The following POLR3GL variants were observed in gnomAD, a reference collection of about 807,000 sequenced individuals.
POLR3GL encodes DNA-directed RNA polymerase III subunit RPC7-like.
POLR3GL carries 26 observed loss-of-function variants against 32.4 expected under a neutral mutation model. The observed-to-expected ratio is 0.80, with a 90% CI of 0.59 to 1.11. The LOEUF is 1.11. Among genes scored for constraint, POLR3GL ranks in the 50% most tolerant of loss-of-function variants. The pLI is 0.00. For synonymous variants in POLR3GL, 95 were observed against 98.7 expected, an observed-to-expected ratio of 0.96 and a Z score of 0.22; for missense variants, 229 against 280.1, an observed-to-expected ratio of 0.82 and a Z score of 1.30.
chr1:145,975,219 G>C lies in POLR3GL; in HGVS notation c.127-88G>C, dbSNP rs1650498081. ...TGTCATTTGGCCCTCTGCTCAGTGG[G>C]AGTGTTAGACTAAATTGGGAGGAGG... On this transcript the variant is annotated intron_variant, in intron 2 of 7. Coordinates refer to ENST00000369314, the MANE Select transcript of POLR3GL (RefSeq NM_032305.3). 2.0e-6 allele frequency: 3 copies of C among 1,526,466 alleles called. No individual in the cohort carries two copies. In the Admixed American group the frequency reaches 5.4e-5, roughly 28 times the overall value. 94.6% of individuals were successfully genotyped at this position (1,526,466 alleles called of 1,614,324 possible).
At chr1:145,972,264 C>T (rs1553762828) in intron 1 of POLR3GL, among the ~76,000 whole-genome samples, 1 of 151,256 alleles carries the variant, frequency 6.6e-6, no homozygotes, top group African/African-American at 2.4e-5. Context: ...CCTGTAATCC[C>T]AGCTACTTGG....
At position 145,977,815 on chromosome 1, in the gene POLR3GL, C is replaced by T; in HGVS notation, c.420C>T (p.Thr140=). The T allele has an allele frequency of 6.2e-7, 1 of 1,614,000 alleles. No individual in the cohort carries two copies. Among genetic ancestry groups the T allele is most frequent in the East Asian group, 2.2e-5 (1 of 44,870 alleles). ...TILLPKRPPK[T]TEDKEETIQK... ...TGCTCCCCAAGAGGCCCCCTAAGACCACAGAAGATAAGGAGGAAACAATAC... is the reference window on the plus strand; with the variant it reads ...TGCTCCCCAAGAGGCCCCCTAAGACTACAGAAGATAAGGAGGAAACAATAC... Residue 140 remains threonine (T), a synonymous_variant, in exon 6 of 8, where the codon ACC becomes ACT. Transcript: ENST00000369314.
intron 5 of POLR3GL, 73 bp downstream of exon 5, chr1:145,977,612 G>T: frequency 6.9e-7 from 1 of 1,451,356 alleles, no homozygotes; most frequent in South Asian, 1.1e-5. Flanking sequence ...GCTGCTGCTG[G>T]TCTCACCTTC....
At chr1:145,966,272 G>A (rs776369885) in intron 1 of POLR3GL, among the ~76,000 whole-genome samples, 1 of 151,608 alleles carries the variant, frequency 6.6e-6, no homozygotes, top group Non-Finnish European at 1.5e-5. Flanking sequence ...TTTAGCCCAG[G>A]AGTTCAAGAC....
At chr1:145,973,746 A>G (rs1650427048) in intron 1 of POLR3GL, among the ~76,000 whole-genome samples, 1 of 151,788 alleles carries the variant, frequency 6.6e-6, no homozygotes, top group Admixed American at 6.6e-5. Flanking sequence ...ACATACACCA[A>G]ACAACAACAA....
chr1:145,978,287 G>A (rs1571002953), intron 7 of POLR3GL, 74 bp from the exon 8 acceptor site: 1 of 1,328,984 alleles, frequency 7.5e-7, no homozygotes, highest in East Asian at 2.3e-5. Flanking sequence ...GTGTGACTGA[G>A]AGGAAAGGGG....
At chr1:145,977,059 A>C in intron 3 of POLR3GL, 25 bp from the exon 4 acceptor site, 1 of 1,605,672 alleles carries the variant, frequency 6.2e-7, no homozygotes, top group African/African-American at 1.3e-5. Context: ...TGAAGGGATA[A>C]AACTTTGACC....
intron 5 of POLR3GL, 36 bp from the exon 6 acceptor site, chr1:145,977,742 G>T (rs1650627458): frequency 6.2e-7 from 1 of 1,602,216 alleles, no homozygotes; most frequent in African/African-American, 1.3e-5. Context: ...GGCAAAATTT[G>T]CTCTCTGAAG....
Position 145,974,935 on chromosome 1 carries a change from A to C in POLR3GL, c.70A>C (p.Ile24Leu). Reference protein sequence around the residue: ...QLTFNVEAVGIGKGDALPPPT... With the variant: ...QLTFNVEAVGLGKGDALPPPT... Reference sequence around the variant, plus strand: ...GACCTTCAACGTGGAGGCCGTGGGCATTGGGAAAGGGGATGCTTTGCCCCC... The same window carrying C: ...GACCTTCAACGTGGAGGCCGTGGGCCTTGGGAAAGGGGATGCTTTGCCCCC... Residue 24 changes from isoleucine to leucine, a missense_variant, in exon 2 of 8, where the codon ATT (isoleucine) becomes CTT (leucine). Physicochemically the swap from Ile to Leu is conservative, Grantham distance 5. Transcript: ENST00000369314. 6.6e-7 allele frequency: 1 copy of C among 1,521,162 alleles called. No individual in the cohort carries two copies. Among genetic ancestry groups the C allele is most frequent in the Non-Finnish European group, 8.8e-7 (1 of 1,141,532 alleles). 94.2% of individuals were successfully genotyped at this position (1,521,162 alleles called of 1,614,324 possible).
chr1:145,978,025 G>A lies in POLR3GL; in HGVS notation c.499G>A (p.Glu167Lys), dbSNP rs1553763784. ...KEEEVTSEED[E>K]EKEEEEEKEE... ...AGAAGAAGTAACTTCAGAGGAGGAT[G>A]AGGAGAAAGAAGAAGAAGAAGAGAA... Residue 167 changes from glutamate (E) to lysine (K), a missense_variant, in exon 7 of 8, where the codon GAG becomes AAG. Physicochemically the swap from Glu to Lys is moderately conservative, Grantham distance 56 (BLOSUM62 1). Coordinates refer to ENST00000369314, the MANE Select transcript of POLR3GL (RefSeq NM_032305.3). The A allele has an allele frequency of 1.2e-6, 2 of 1,608,482 alleles. No homozygotes were observed. Among genetic ancestry groups the A allele is most frequent in the Non-Finnish European group, 1.7e-6 (2 of 1,175,018 alleles).
chr1:145,975,816 C>T (rs1650524095), intron 3 of POLR3GL, among the ~76,000 whole-genome samples: 1 of 152,166 alleles, frequency 6.6e-6, no homozygotes, highest in Non-Finnish European at 1.5e-5. Context: ...GGATTACAGG[C>T]ATGAGCCACT....
At chr1:145,977,234 C>A in intron 4 of POLR3GL, 82 bp downstream of exon 4, 1 of 1,198,490 alleles carries the variant, frequency 8.3e-7, no homozygotes, top group Non-Finnish European at 1.2e-6. Flanking sequence ...GCCCATGACC[C>A]CACCCCATTC....
At position 145,978,517 on chromosome 1, in the gene POLR3GL, C is replaced by T. The variant is rs1650670106; in HGVS notation, c.*70C>T. 1.0e-6 allele frequency: 1 copy of T among 1,001,916 alleles called. No homozygotes were observed. Among genetic ancestry groups the T allele is most frequent in the Admixed American group, 1.9e-5 (1 of 51,338 alleles). The allele number at this position is 1,001,916 out of a possible 1,614,324, so 62.1% of individuals were successfully genotyped here. On this transcript the variant is annotated 3_prime_UTR_variant, in exon 8 of 8. Coordinates refer to ENST00000369314, the MANE Select transcript of POLR3GL (RefSeq NM_032305.3). Reference sequence around the variant, plus strand: ...TAACTGTACCTATTATTTGTTTCTTCAGACAAGCAAATCATTTGGTCAGAG... The same window carrying T: ...TAACTGTACCTATTATTTGTTTCTTTAGACAAGCAAATCATTTGGTCAGAG...
At position 145,978,536 on chromosome 1, in the gene POLR3GL, G is replaced by A. The variant is rs1650671096; in HGVS notation, c.*89G>A. 7.7e-5 allele frequency: 68 copies of A among 879,758 alleles called. No homozygotes were observed. The South Asian group carries it at 9.2e-4, about 12-fold the overall frequency. The allele number at this position is 879,758 out of a possible 1,614,324, so 54.5% of individuals were successfully genotyped here. ...TTTCTTCAGACAAGCAAATCATTTG[G>A]TCAGAGTTCATATAATCTGTCTGTT... On this transcript the variant is annotated 3_prime_UTR_variant, in exon 8 of 8. Coordinates refer to ENST00000369314, the MANE Select transcript of POLR3GL (RefSeq NM_032305.3).
chr1:145,972,492 A>G (rs1650367378), intron 1 of POLR3GL, among the ~76,000 whole-genome samples: 1 of 151,924 alleles, frequency 6.6e-6, no homozygotes. Context: ...TTTCCCCCAT[A>G]TAAATAAATT....
intron 1 of POLR3GL, among the ~76,000 whole-genome samples, chr1:145,968,221 C>G (rs1244463874): frequency 6.6e-6 from 1 of 152,114 alleles, no homozygotes; most frequent in Non-Finnish European, 1.5e-5. Flanking sequence ...TATGGGAGAC[C>G]TTAAGTATCC....
rs1650585109 is a variant in POLR3GL, at chr1:145,976,982, A to G, written c.257-102A>G. 7.3e-6 allele frequency: 7 copies of G among 963,506 alleles called. No homozygotes were observed. The Admixed American group carries it at 1.1e-4, about 15-fold the overall frequency. The allele number at this position is 963,506 out of a possible 1,614,324, so 59.7% of individuals were successfully genotyped here. ...ACCCCCTGGGCTCTGGGTTTGGGGT[A>G]AGGAAACAGATAATTCCTCAGTATT... On this transcript the variant is annotated intron_variant, in intron 3 of 7. Transcript: ENST00000369314.
intron 1 of POLR3GL, among the ~76,000 whole-genome samples, chr1:145,969,781 T>C (rs1192093498): frequency 6.6e-6 from 1 of 150,914 alleles, no homozygotes; most frequent in African/African-American, 2.4e-5. Flanking sequence ...TAGCTAAGCA[T>C]GGTGGTGGGT....
At chr1:145,968,490 A>G (rs1650132598) in intron 1 of POLR3GL, among the ~76,000 whole-genome samples, 2 of 152,042 alleles carry the variant, frequency 1.3e-5, no homozygotes. Flanking sequence ...TGCCAGAACT[A>G]TATCTGTCAA....
Sources: gnomAD v4.1 joint callset for allele counts (sites outside exome capture counted in the v4.1 genomes callset) on GRCh38, gnomAD v4.1.1 for gene constraint, MANE v1.5 for transcripts, NCBI Gene and HGNC (gene_info 2026-07-23, HGNC 2026-07-21) for gene names.